Variants in C16orf96 observed in about 807,000 individuals in gnomAD.
C16orf96 encodes the protein uncharacterized protein C16orf96.
In C16orf96, 108 loss-of-function variants were observed where a neutral mutation model predicts 103.6. The observed-to-expected ratio is 1.04, with a 90% CI of 0.89 to 1.22. The LOEUF is 1.22. C16orf96 is among the 50% of genes most tolerant of loss of function. The pLI is 0.00. For missense variants in C16orf96, 1,586 were observed against 1,464.2 expected, an observed-to-expected ratio of 1.08 and a Z score of -1.36; for synonymous variants, 566 against 593.5, an observed-to-expected ratio of 0.95 and a Z score of 0.67.
chr16:4,563,034 T>C, intron 1 of C16orf96: 2 of 931,462 alleles, frequency 2.1e-6, no homozygotes, highest in South Asian at 2.7e-5. Context: ...GCTGCTCCTC[T>C]GTCAGAAGAT....
chr16:4,555,702 T>C (rs1429604542), upstream of C16orf96, among the ~76,000 whole-genome samples: 31 of 149,160 alleles, frequency 2.1e-4, no homozygotes, highest in East Asian at 6.0e-3. Flanking sequence ...TCTTTTCTTT[T>C]TTTTTTTTTT....
chr16:4,544,125 A>G, the C16orf96 span, among the ~76,000 whole-genome samples: 9 of 152,292 alleles, frequency 5.9e-5, no homozygotes, highest in African/African-American at 1.9e-4. Context: ...CAAGTGTCCC[A>G]TGCAGTAAAA....
intron 1 of C16orf96, chr16:4,562,969 CT>C (rs2059347618): frequency 2.3e-6 from 3 of 1,298,404 alleles, no homozygotes; most frequent in Middle Eastern, 2.6e-4. Flanking sequence ...CCTTTAAAAT[CT>C]TGAACGCCAA....
chr16:4,579,933 C>A, intron 6 of C16orf96, 82 bp from the exon 7 acceptor site: 1 of 1,204,604 alleles, frequency 8.3e-7, no homozygotes, highest in Non-Finnish European at 1.2e-6. Context: ...TTCTTCTTGG[C>A]CTCAACCCTC....
the C16orf96 span, among the ~76,000 whole-genome samples, chr16:4,544,050 GA>G: frequency 6.6e-6 from 1 of 152,174 alleles, no homozygotes; most frequent in Non-Finnish European, 1.5e-5. Flanking sequence ...CCAGAGGAAG[GA>G]CCTGTGGAAA....
chr16:4,596,178 C>G (rs1003623533), intron 14 of C16orf96, among the ~76,000 whole-genome samples: 10 of 152,112 alleles, frequency 6.6e-5, no homozygotes, highest in Admixed American at 3.9e-4. Flanking sequence ...CCTTCATTCC[C>G]CGGCCCATGT....
chr16:4,569,574 GA>G (rs1300184806), intron 1 of C16orf96, among the ~76,000 whole-genome samples: 32 of 151,428 alleles, frequency 2.1e-4, no homozygotes. Flanking sequence ...CCAACATGGT[GA>G]AACCCCATTA....
intron 8 of C16orf96, among the ~76,000 whole-genome samples, chr16:4,587,523 C>G (rs1046357721): frequency 1.2e-4 from 10 of 86,704 alleles, no homozygotes; most frequent in African/African-American, 4.3e-4. Flanking sequence ...AGCAAAAACT[C>G]TGTCTCAAAA....
chr16:4,591,763 A>C lies in C16orf96; in HGVS notation c.2690A>C (p.Asp897Ala). The C allele has an allele frequency of 3.2e-6, 5 of 1,551,622 alleles. No individual in the cohort carries two copies. The highest frequency in any genetic ancestry group is 4.4e-6 in the Non-Finnish European group (5 of 1,146,970). Residue 897 changes from aspartate (D) to alanine (A), a missense_variant, in exon 10 of 16, where the codon GAC (aspartate) becomes GCC (alanine). Coordinates refer to ENST00000444310, the MANE Select transcript of C16orf96 (RefSeq NM_001145011.2). Reference protein sequence around the residue: ...LLIEGLRLDPDSAAGFRRKLF... With the variant: ...LLIEGLRLDPASAAGFRRKLF... ...ATTGAGGGCTTAAGACTGGATCCTG[A>C]CAGTGCTGCTGGCTTTAGGAGGTGA...
intron 7 of C16orf96, among the ~76,000 whole-genome samples, chr16:4,583,710 G>A (rs1169693576): frequency 6.6e-6 from 1 of 152,010 alleles, no homozygotes; most frequent in Non-Finnish European, 1.5e-5. Flanking sequence ...ATCACTTGAG[G>A]TCAGGAGTTT....
In C16orf96 at chr16:4,593,873, G is replaced by T. The variant is rs535977629; in HGVS notation, c.2868-478G>T. Among the ~76,000 whole-genome samples, 1 of 152,126 alleles carries T rather than the reference G, an allele frequency of 6.6e-6. No homozygotes were observed. The highest frequency in any genetic ancestry group is 2.4e-5 in the African/African-American group (1 of 41,436). ...ATGTCCAAACCCTCAGGTTTCCACCGCACCCAGCTGGCTCCCTGGGTGCCA... is the reference window on the plus strand; with the variant it reads ...ATGTCCAAACCCTCAGGTTTCCACCTCACCCAGCTGGCTCCCTGGGTGCCA... On this transcript the variant is annotated intron_variant, in intron 12 of 15. Transcript: ENST00000444310. The surrounding 1 kb of genome is among the most constrained non-coding windows in gnomAD (Gnocchi z 4.2).
upstream of C16orf96, among the ~76,000 whole-genome samples, chr16:4,551,749 G>A (rs2059229418): frequency 6.6e-6 from 1 of 152,214 alleles, no homozygotes; most frequent in African/African-American, 2.4e-5. Context: ...ACCGCGCCTG[G>A]CCATTTGTTT....
At chr16:4,543,744 C>A in the C16orf96 span, among the ~76,000 whole-genome samples, 1 of 152,046 alleles carries the variant, frequency 6.6e-6, no homozygotes, top group Non-Finnish European at 1.5e-5. Context: ...TCTTGGCAAG[C>A]GATTCTTCTG....
rs2059565562 is a variant in C16orf96 at position 4,580,095 on chromosome 16, G to C, written c.2322G>C (p.Glu774Asp). 1.3e-6 allele frequency: 2 copies of C among 1,542,026 alleles called. No individual in the cohort carries two copies. The highest frequency in any genetic ancestry group is 1.8e-6 in the Non-Finnish European group (2 of 1,142,454). The change falls in exon 7 of 16, where the codon GAG (glutamate) becomes GAC (aspartate). Residue 774 changes from glutamate to aspartate, a missense_variant. Glu to Asp is a conservative substitution (Grantham distance 45). Transcript: ENST00000444310. ...ACATCACTTTGGACAAGGCGGTGGAGAACCTGCAGATTCGCATGGATGAGT... is the reference window on the plus strand; with the variant it reads ...ACATCACTTTGGACAAGGCGGTGGACAACCTGCAGATTCGCATGGATGAGT... Reference protein sequence around the residue: ...DRYITLDKAVENLQIRMDEFK... With the variant: ...DRYITLDKAVDNLQIRMDEFK...
At chr16:4,582,692 C>T (rs1223080007) in intron 7 of C16orf96, among the ~76,000 whole-genome samples, 3 of 152,134 alleles carry the variant, frequency 2.0e-5, no homozygotes, top group Non-Finnish European at 2.9e-5. Flanking sequence ...CCACCATGTC[C>T]TGGGGTCATC....
intron 1 of C16orf96, among the ~76,000 whole-genome samples, chr16:4,569,560 C>T (rs2059414807): frequency 6.6e-6 from 1 of 151,714 alleles, no homozygotes. Flanking sequence ...TGAGATCAGC[C>T]TGGCCAACAT....
intron 7 of C16orf96, among the ~76,000 whole-genome samples, chr16:4,583,950 A>T (rs1034987991): frequency 8.5e-6 from 1 of 118,238 alleles, no homozygotes; most frequent in African/African-American, 3.1e-5. Context: ...AAAAAAAAAT[A>T]GGCCAAGAAG....
At chr16:4,594,997 G>C (rs1490040488) in intron 14 of C16orf96, among the ~76,000 whole-genome samples, 194 bp downstream of exon 14, 1 of 152,142 alleles carries the variant, frequency 6.6e-6, no homozygotes, top group African/African-American at 2.4e-5. Flanking sequence ...GGAGACCGCG[G>C]GAGCGAGGAT....
At position 4,600,553 on chromosome 16, in the gene C16orf96, C is replaced by T; in HGVS notation, c.*236C>T. 1 of 484,200 alleles carries T rather than the reference C, an allele frequency of 2.1e-6. No homozygotes were observed. The highest frequency in any genetic ancestry group is 3.8e-6 in the Non-Finnish European group (1 of 263,462). 30.0% of individuals were successfully genotyped at this position (484,200 alleles called of 1,614,324 possible). On this transcript the variant is annotated 3_prime_UTR_variant, in exon 16 of 16. Coordinates refer to ENST00000444310, the MANE Select transcript of C16orf96 (RefSeq NM_001145011.2). ...GCTGAGACCCATATGCCCCCCCCACCCCCACCAAGTCCCGTCCCCGGCTGA... is the reference window on the plus strand; with the variant it reads ...GCTGAGACCCATATGCCCCCCCCACTCCCACCAAGTCCCGTCCCCGGCTGA...
Sources: allele counts gnomAD v4.1 joint callset (sites outside exome capture counted in the v4.1 genomes callset), GRCh38; gene constraint gnomAD v4.1.1; non-coding constraint Gnocchi (gnomAD v3.1); transcripts MANE v1.5; gene names NCBI Gene and HGNC (gene_info 2026-07-23, HGNC 2026-07-21).